Variants in SEMA5B observed in about 807,000 individuals in gnomAD.
The protein encoded by SEMA5B is semaphorin 5B.
A neutral mutation model predicts 135.0 loss-of-function variants in SEMA5B; 66 were observed. That is an observed-to-expected ratio of 0.49 (90% CI 0.40 to 0.60). SEMA5B has a LOEUF of 0.60. Ranked by LOEUF, SEMA5B falls within the 20% of genes least tolerant of loss-of-function variation. The probability of loss-of-function intolerance (pLI) is 0.00; values close to 1 mark genes in which losing one functional copy is unlikely to be tolerated. For missense variants in SEMA5B, 1,501 were observed against 1,566.3 expected (o/e 0.96, Z 0.70); for synonymous variants, 690 against 639.5 (o/e 1.08, Z -1.19).
chr3:123,014,967 A>T lies in SEMA5B; in HGVS notation c.-39+12497T>A, dbSNP rs189030335. Among the ~76,000 whole-genome samples, 165 of 152,328 alleles carry T rather than the reference A, an allele frequency of 1.1e-3. 2 individuals carry two copies. The highest frequency in any genetic ancestry group is 4.0e-4 in the Non-Finnish European group (27 of 68,038). On this transcript the variant is annotated intron_variant, in intron 1 of 22. Coordinates refer to ENST00000357599, the MANE Select transcript of SEMA5B (RefSeq NM_001031702.4). ...AACCCAATATGACTGGTGTCCTTAT[A>T]AAAAGGAAAAATTTGGTGACACACA...
At chr3:122,982,903 C>T (rs1941566713) in intron 1 of SEMA5B, among the ~76,000 whole-genome samples, 1 of 152,238 alleles carries the variant, frequency 6.6e-6, no homozygotes, top group African/African-American at 2.4e-5. Context: ...GGCTCAGTTC[C>T]CAGGCCTGTC....
In SEMA5B at chr3:122,911,443, C is replaced by T. The variant is rs138269015; in HGVS notation, c.3091+48G>A. The T allele has an allele frequency of 1.7e-3, 2,742 of 1,586,930 alleles. 5 individuals carry two copies. The highest frequency in any genetic ancestry group is 1.9e-3 in the Non-Finnish European group (2,235 of 1,167,412). ...GAGTCCAGACTTTGGAGTGGGGTGC[C>T]GGAGGGCTGGGAGGACCGCAGCATG... On this transcript the variant is annotated intron_variant, in intron 21 of 22. Coordinates refer to ENST00000357599, the MANE Select transcript of SEMA5B (RefSeq NM_001031702.4).
intron 21 of SEMA5B, 115 bp downstream of exon 21, chr3:122,911,376 G>A (rs958109560): frequency 1.3e-6 from 2 of 1,551,906 alleles, no homozygotes; most frequent in African/African-American, 2.7e-5. Context: ...AAAGCAGTGG[G>A]GACCCCAACA....
rs1173164434 is a variant in SEMA5B, at chr3:122,909,884, C to T, written c.*259G>A. 21 of 440,930 alleles carry T rather than the reference C, an allele frequency of 4.8e-5. 1 individual carries two copies. The South Asian group carries it at 7.4e-4, about 16-fold the overall frequency. The allele number at this position is 440,930 out of a possible 1,614,324, so 27.3% of individuals were successfully genotyped here. A position where few individuals can be genotyped will look rare whatever the true frequency, so the allele number is the denominator to read the frequency against. ...CCCAGGCATGGCAGCATAGTGTCAG[C>T]GTGACAGTGGGTTGGAAGATAACCA... On this transcript the variant is annotated 3_prime_UTR_variant, in exon 23 of 23. Coordinates refer to ENST00000357599, the MANE Select transcript of SEMA5B (RefSeq NM_001031702.4).
chr3:122,932,043 A>C (rs13099843), intron 5 of SEMA5B, among the ~76,000 whole-genome samples: 33,557 of 152,172 alleles, frequency 0.22, 3,852 homozygotes, highest in Middle Eastern at 0.33. Context: ...CTTCAGACTC[A>C]TTAAAATGTG....
intron 12 of SEMA5B, among the ~76,000 whole-genome samples, chr3:122,919,694 T>A (rs533754540): frequency 6.6e-6 from 1 of 152,320 alleles, no homozygotes; most frequent in South Asian, 2.1e-4. Flanking sequence ...GGTGACTGTG[T>A]GTACTTAATC....
rs554777675 is a variant in SEMA5B, at chr3:122,948,519, G to A, written c.315C>T (p.Thr105=). ...QQLCALSKHP[T]VAFEDLQPWV... is the part of the protein sequence containing the mutation. ...AGCAACTCTTACCTTCAAAGGCCAC[G>A]GTGGGGTGCTTGCTAAGGGCGCACA... The change falls in exon 3 of 23, where the codon ACC becomes ACT. Residue 105 remains threonine, a synonymous_variant. Transcript: ENST00000357599. The A allele has an allele frequency of 5.5e-5, 89 of 1,603,924 alleles. 1 individual carries two copies. In the South Asian group the frequency reaches 8.1e-4, roughly 15 times the overall value.
At chr3:123,015,104 C>T (rs1052110471) in intron 1 of SEMA5B, among the ~76,000 whole-genome samples, 1 of 152,206 alleles carries the variant, frequency 6.6e-6, no homozygotes, top group African/African-American at 2.4e-5. Context: ...AGGAGGGAAG[C>T]ACGGAGCAGA....
chr3:123,020,196 C>T (rs887172757), intron 1 of SEMA5B, among the ~76,000 whole-genome samples: 4 of 152,102 alleles, frequency 2.6e-5, no homozygotes, highest in Non-Finnish European at 4.4e-5. Flanking sequence ...TGTCCAACCA[C>T]GGGGGGTTTG....
intron 1 of SEMA5B, among the ~76,000 whole-genome samples, chr3:122,989,033 C>T (rs191246381): frequency 7.7e-4 from 118 of 152,348 alleles, no homozygotes; most frequent in Non-Finnish European, 1.4e-3. Context: ...CTAATTGGCA[C>T]AGTATGGACA....
At chr3:122,911,083 T>C (rs1937670199) in intron 21 of SEMA5B, 38 bp from the exon 22 acceptor site, 2 of 1,537,112 alleles carry the variant, frequency 1.3e-6, no homozygotes, top group Non-Finnish European at 1.8e-6. Flanking sequence ...TGAGGGCCAC[T>C]GTGAAGAGGA....
chr3:122,985,460 C>T (rs1941668966), intron 1 of SEMA5B, among the ~76,000 whole-genome samples: 1 of 151,492 alleles, frequency 6.6e-6, no homozygotes, highest in South Asian at 2.1e-4. Flanking sequence ...ACTATGATTG[C>T]ACCACTGCAC....
Position 123,007,549 on chromosome 3 carries a change from T to G in SEMA5B, c.-39+19915A>C, listed in dbSNP as rs58093906. 6.5e-3 allele frequency among the ~76,000 whole-genome samples: 997 copies of G among 152,320 alleles called. 13 individuals carry two copies. Among genetic ancestry groups the G allele is most frequent in the African/African-American group, 0.023 (955 of 41,582 alleles). On this transcript the variant is annotated intron_variant, in intron 1 of 22. Coordinates refer to ENST00000357599, the MANE Select transcript of SEMA5B (RefSeq NM_001031702.4). The stretch of plus-strand genomic sequence containing the variant: ...AGAGGTGATTGGATCATGAGAGCTC[T>G]GTCCTTATGAATGGACTAGTTCATT...
intron 1 of SEMA5B, among the ~76,000 whole-genome samples, chr3:122,972,625 G>C (rs1487539948): frequency 6.6e-6 from 1 of 152,220 alleles, no homozygotes; most frequent in African/African-American, 2.4e-5. Flanking sequence ...ACTGGGGAGA[G>C]AGACCCCCAC....
chr3:122,976,096 T>C (rs1347870674), intron 1 of SEMA5B: 9 of 1,535,260 alleles, frequency 5.9e-6, no homozygotes, highest in African/African-American at 4.1e-5. Flanking sequence ...ACGCAGCCAA[T>C]GGCTTCCTCT....
intron 14 of SEMA5B, among the ~76,000 whole-genome samples, chr3:122,914,383 C>T (rs1429365041): frequency 2.6e-5 from 4 of 152,338 alleles, no homozygotes; most frequent in African/African-American, 9.6e-5. Flanking sequence ...CTGTAACCAA[C>T]ACTCTGTCCC....
At chr3:122,973,916 A>G (rs2107654568) in intron 1 of SEMA5B, among the ~76,000 whole-genome samples, 2 of 152,252 alleles carry the variant, frequency 1.3e-5, no homozygotes, top group Admixed American at 1.3e-4. Flanking sequence ...AATACCTGGT[A>G]CTCTGGGTCC....
At chr3:122,910,405 G>C in intron 22 of SEMA5B, 104 bp from the exon 23 acceptor site, 1 of 1,218,402 alleles carries the variant, frequency 8.2e-7, no homozygotes, top group Non-Finnish European at 1.2e-6. Context: ...AGAACACTCA[G>C]ACTGCGGATC....
rs573002922 is a variant in SEMA5B, at chr3:122,999,706, G to A, written c.-39+27758C>T. Among the ~76,000 whole-genome samples, 19 of 152,220 alleles carry A rather than the reference G, an allele frequency of 1.2e-4. No homozygotes were observed. In the South Asian group the frequency reaches 2.1e-3, roughly 17 times the overall value. On this transcript the variant is annotated intron_variant, in intron 1 of 22. Coordinates refer to ENST00000357599, the MANE Select transcript of SEMA5B (RefSeq NM_001031702.4). The stretch of plus-strand genomic sequence containing the variant: ...GTCATGCAGACAGGACCAATGGAGC[G>A]GGAGGCTGGCTCCATGAAGACTGCC...
Sources: allele counts gnomAD v4.1 joint callset (sites outside exome capture counted in the v4.1 genomes callset), GRCh38; gene constraint gnomAD v4.1.1; transcripts MANE v1.5; gene names NCBI Gene and HGNC (gene_info 2026-07-23, HGNC 2026-07-21).